The following DNAH5 variants were observed in gnomAD, a reference collection of about 807,000 sequenced individuals.
DNAH5 encodes the protein axonemal beta dynein heavy chain 5.
A neutral mutation model predicts 518.2 loss-of-function variants in DNAH5; 372 were observed. The ratio of observed to expected loss-of-function variants is 0.72; its 90% CI spans 0.66 to 0.78. DNAH5 has a LOEUF of 0.78. Among genes scored for constraint, DNAH5 ranks in the 30% least tolerant of loss-of-function variants. The pLI is 0.00. For synonymous variants in DNAH5, 2,039 were observed against 2,025.9 expected (o/e 1.01, Z -0.17); for missense variants, 5,523 against 5,687.0 (o/e 0.97, Z 0.93).
chr5:13,764,613 T>C (rs1752253817), intron 59 of DNAH5, among the ~76,000 whole-genome samples: 1 of 152,346 alleles, frequency 6.6e-6, no homozygotes, highest in Non-Finnish European at 1.5e-5. Context: ...TATAGATACA[T>C]CAGTTTTGAA....
At chr5:13,736,149 C>G (rs1747380382) in intron 66 of DNAH5, among the ~76,000 whole-genome samples, 1 of 152,114 alleles carries the variant, frequency 6.6e-6, no homozygotes, top group African/African-American at 2.4e-5. Context: ...TTAAATGGTA[C>G]TTCTCATTTT....
chr5:13,951,739 GC>G (rs1780430637), intron 1 of DNAH5, among the ~76,000 whole-genome samples: 1 of 152,172 alleles, frequency 6.6e-6, no homozygotes, highest in South Asian at 2.1e-4. Context: ...AAACCAGACA[GC>G]TGTGGAAAGG....
At chr5:13,867,630 T>C (rs941788312) in intron 25 of DNAH5, 144 bp downstream of exon 25, 14 of 754,810 alleles carry the variant, frequency 1.9e-5, no homozygotes, top group African/African-American at 1.1e-4. Context: ...AAAAATGTTT[T>C]TCTCTCATGA....
intron 11 of DNAH5, 24 bp from the exon 12 acceptor site, chr5:13,911,517 G>C: frequency 6.5e-7 from 1 of 1,543,542 alleles, no homozygotes; most frequent in Non-Finnish European, 8.9e-7. Flanking sequence ...AGATAAATTA[G>C]ATAATATTTC....
At position 13,830,672 on chromosome 5, in the gene DNAH5, A is replaced by G. The variant is rs370518758; in HGVS notation, c.5986T>C (p.Cys1996Arg). Residue 1996 changes from cysteine (C) to arginine (R), a missense_variant, in exon 36 of 79, where the codon TGC becomes CGC. Transcript: ENST00000265104. ...KTETTKDMGR[C>R]LGKYVVVFNC... ...AAAACCACGACGTATTTCCCGAGGC[A>G]TCGTCCCATGTCTTTAGTGGTTTCT... is the stretch of plus-strand genomic sequence containing the variant. 2.7e-5 allele frequency: 43 copies of G among 1,614,104 alleles called. No homozygotes were observed. The highest frequency in any genetic ancestry group is 3.6e-5 in the Non-Finnish European group (42 of 1,180,044).
At chr5:13,764,668 C>T (rs1024888318) in intron 59 of DNAH5, among the ~76,000 whole-genome samples, 2 of 152,144 alleles carry the variant, frequency 1.3e-5, no homozygotes, top group Non-Finnish European at 2.9e-5. Context: ...TGTGTATAAC[C>T]AAAGTCCCAG....
chr5:13,845,806 T>C (rs2151872446), intron 31 of DNAH5, among the ~76,000 whole-genome samples: 1 of 151,316 alleles, frequency 6.6e-6, no homozygotes, highest in South Asian at 2.1e-4. Flanking sequence ...TCATTTGTAT[T>C]AGTATTCATT....
intron 47 of DNAH5, among the ~76,000 whole-genome samples, chr5:13,805,184 C>G (rs1347762028): frequency 6.6e-6 from 1 of 152,072 alleles, no homozygotes; most frequent in South Asian, 2.1e-4. Context: ...GGGAGGGGAG[C>G]TGATGGAGAT....
intron 1 of DNAH5, among the ~76,000 whole-genome samples, chr5:13,976,724 TACACACAC>T (rs375620037): frequency 9.1e-6 from 1 of 109,784 alleles, no homozygotes; most frequent in Non-Finnish European, 2.0e-5. Flanking sequence ...CACACACACA[TACACACAC>T]ACACACACAC....
At chr5:13,804,293 T>C (rs1759232040) in intron 47 of DNAH5, among the ~76,000 whole-genome samples, 1 of 152,216 alleles carries the variant, frequency 6.6e-6, no homozygotes, top group South Asian at 2.1e-4. Context: ...TCCCCTCTAC[T>C]GATGAAAGAT....
chr5:13,837,056 A>G (rs1475079700), intron 35 of DNAH5, among the ~76,000 whole-genome samples: 2 of 152,160 alleles, frequency 1.3e-5, no homozygotes, highest in African/African-American at 4.8e-5. Context: ...TCTGCCAACA[A>G]CTTGGAAGAG....
At chr5:13,692,617 C>T (rs1363893944) in intron 78 of DNAH5, among the ~76,000 whole-genome samples, 1 of 152,156 alleles carries the variant, frequency 6.6e-6, no homozygotes, top group Non-Finnish European at 1.5e-5. Context: ...CCTCCCCACC[C>T]CCCAGCTAAA....
At chr5:13,881,151 G>A (rs1200429331) in intron 21 of DNAH5, among the ~76,000 whole-genome samples, 1 of 151,860 alleles carries the variant, frequency 6.6e-6, no homozygotes, top group Non-Finnish European at 1.5e-5. Context: ...ACTATATAAA[G>A]TAAATATTAA....
At chr5:13,812,582 A>G (rs1760865064) in intron 43 of DNAH5, among the ~76,000 whole-genome samples, 1 of 152,230 alleles carries the variant, frequency 6.6e-6, no homozygotes, top group African/African-American at 2.4e-5. Context: ...CTGGGATTAC[A>G]GGCATGAGCC....
chr5:13,975,464 A>C (rs568379244), intron 1 of DNAH5, among the ~76,000 whole-genome samples: 2 of 152,320 alleles, frequency 1.3e-5, no homozygotes, highest in South Asian at 4.1e-4. Flanking sequence ...TGCCAGGATT[A>C]ATTTAGTCCT....
intron 34 of DNAH5, among the ~76,000 whole-genome samples, chr5:13,839,971 A>G (rs776150772): frequency 9.9e-5 from 15 of 152,150 alleles, no homozygotes; most frequent in Non-Finnish European, 1.9e-4. Context: ...TTAATCCAGT[A>G]ATTATTTTTC....
intron 66 of DNAH5, among the ~76,000 whole-genome samples, chr5:13,736,611 C>A (rs1356142836): frequency 6.6e-6 from 1 of 151,862 alleles, no homozygotes; most frequent in Non-Finnish European, 1.5e-5. Flanking sequence ...ACCATGTTAT[C>A]CAGGCTGGTC....
intron 40 of DNAH5, among the ~76,000 whole-genome samples, chr5:13,822,715 A>G (rs562290961): frequency 1.3e-5 from 2 of 152,332 alleles, no homozygotes; most frequent in South Asian, 4.1e-4. Flanking sequence ...GGAAGACTAT[A>G]AAAAGTTAAA....
At chr5:13,816,565 C>A (rs797056) in intron 42 of DNAH5, among the ~76,000 whole-genome samples, 105,525 of 138,416 alleles carry the variant, frequency 0.76, 39,190 homozygotes, top group Admixed American at 0.79. Flanking sequence ...AAAAAAAAAA[C>A]AAAAAAACCT....
Sources: allele counts gnomAD v4.1 joint callset (sites outside exome capture counted in the v4.1 genomes callset), GRCh38; gene constraint gnomAD v4.1.1; transcripts MANE v1.5; gene names NCBI Gene and HGNC (gene_info 2026-07-23, HGNC 2026-07-21).